PDE1C: variants seen among roughly 807,000 people sequenced by gnomAD.
PDE1C encodes the protein dual specificity calcium/calmodulin-dependent 3',5'-cyclic nucleotide phosphodiesterase 1C.
PDE1C carries 62 observed loss-of-function variants against 93.1 expected under a neutral mutation model. The observed-to-expected ratio is 0.67, with a 90% confidence interval of 0.54 to 0.82. PDE1C has a LOEUF of 0.82. Among genes scored for constraint, PDE1C ranks in the 40% least tolerant of loss-of-function variants. PDE1C has a pLI of 0.00. For synonymous variants in PDE1C, 325 were observed against 310.1 expected, an observed-to-expected ratio of 1.05 and a Z score of -0.50; for missense variants, 742 against 884.6, an observed-to-expected ratio of 0.84 and a Z score of 2.04.
the PDE1C span, among the ~76,000 whole-genome samples, chr7:31,634,876 C>A: frequency 6.6e-6 from 1 of 152,126 alleles, no homozygotes; most frequent in Non-Finnish European, 1.5e-5. Context: ...GTGGCTCCTT[C>A]GGCATATTGA....
chr7:32,083,343 G>T lies in PDE1C; in HGVS notation c.308+86442C>A, dbSNP rs183523534. ...ATGAACAAAGCCTCCAAGAAATATG[G>T]GACTATGTGAAAAGATCAAACCTAC... On this transcript the variant is annotated intron_variant, in intron 3 of 18. Transcript: ENST00000396193. Among the ~76,000 whole-genome samples the T allele has an allele frequency of 5.8e-3, 873 of 151,694 alleles. 23 individuals are homozygous for T. The East Asian group carries it at 0.067, about 12-fold the overall frequency.
intron 3 of PDE1C, among the ~76,000 whole-genome samples, chr7:32,144,091 A>G (rs914156362): frequency 6.6e-6 from 1 of 152,182 alleles, no homozygotes; most frequent in Non-Finnish European, 1.5e-5. Context: ...GCAGTGATAA[A>G]GAGTCTAGTG....
chr7:32,000,542 C>G (rs1437551308), intron 2 of PDE1C, among the ~76,000 whole-genome samples: 1 of 152,200 alleles, frequency 6.6e-6, no homozygotes, highest in African/African-American at 2.4e-5. Context: ...CCCTCATTAT[C>G]TGTTTCTGCT....
At chr7:32,012,082 G>A (rs756961166) in intron 2 of PDE1C, among the ~76,000 whole-genome samples, 4 of 152,182 alleles carry the variant, frequency 2.6e-5, no homozygotes, top group Non-Finnish European at 4.4e-5. Context: ...CTGCAAAAGA[G>A]CACACTATAT....
chr7:31,701,929 T>A, the PDE1C span, among the ~76,000 whole-genome samples: 1 of 152,200 alleles, frequency 6.6e-6, no homozygotes, highest in Non-Finnish European at 1.5e-5. Context: ...AACCAAAAAA[T>A]TTGTATGGCT....
intron 2 of PDE1C, among the ~76,000 whole-genome samples, chr7:32,186,407 T>C (rs755889250): frequency 1.1e-4 from 16 of 151,290 alleles, no homozygotes; most frequent in Non-Finnish European, 2.2e-4. Flanking sequence ...CGGCCCTAAT[T>C]TGTTTTTTAA....
intron 2 of PDE1C, among the ~76,000 whole-genome samples, chr7:31,967,289 T>C (rs1390048502): frequency 6.6e-6 from 1 of 152,036 alleles, no homozygotes; most frequent in Admixed American, 6.6e-5. Flanking sequence ...TCACCACCAA[T>C]CCCACAGAAA....
chr7:31,952,662 C>A (rs1439081974), intron 2 of PDE1C, among the ~76,000 whole-genome samples: 1 of 152,156 alleles, frequency 6.6e-6, no homozygotes, highest in African/African-American at 2.4e-5. Flanking sequence ...ACAGCCATGC[C>A]TCTCTCTGCT....
At chr7:31,670,792 T>G in the PDE1C span, among the ~76,000 whole-genome samples, 1 of 152,068 alleles carries the variant, frequency 6.6e-6, no homozygotes, top group Non-Finnish European at 1.5e-5. Context: ...ATGTTGCCTT[T>G]TCCAAAACCA....
At chr7:32,245,712 C>A (rs2128872132) in intron 1 of PDE1C, among the ~76,000 whole-genome samples, 1 of 152,306 alleles carries the variant, frequency 6.6e-6, no homozygotes, top group Admixed American at 6.5e-5. Context: ...GTTCTGGATA[C>A]TGGGAAGTCC....
intron 2 of PDE1C, among the ~76,000 whole-genome samples, chr7:31,887,252 A>G (rs888828101): frequency 6.6e-6 from 1 of 152,206 alleles, no homozygotes; most frequent in African/African-American, 2.4e-5. Context: ...GTTTTGGGGC[A>G]TGCGGTTTCC....
intron 3 of PDE1C, among the ~76,000 whole-genome samples, chr7:32,130,924 A>T (rs1799880506): frequency 6.6e-6 from 1 of 152,090 alleles, no homozygotes; most frequent in Non-Finnish European, 1.5e-5. Flanking sequence ...TAATGGTAAT[A>T]AGTACATACT....
chr7:32,324,563 A>C (rs367956082), intron 1 of PDE1C, among the ~76,000 whole-genome samples: 168 of 152,362 alleles, frequency 1.1e-3, no homozygotes, highest in Non-Finnish European at 1.7e-3. Flanking sequence ...TACTAAAAAA[A>C]GGCAGGGATT....
chr7:31,728,078 CTTAAGG>C, the PDE1C span, among the ~76,000 whole-genome samples: 1 of 152,090 alleles, frequency 6.6e-6, no homozygotes, highest in Non-Finnish European at 1.5e-5. Context: ...GTGATATCCA[CTTAAGG>C]TTGATTTATA....
chr7:32,020,315 C>A (rs1303648678), intron 2 of PDE1C, among the ~76,000 whole-genome samples: 1 of 151,980 alleles, frequency 6.6e-6, no homozygotes, highest in African/African-American at 2.4e-5. Flanking sequence ...AACAAATCCC[C>A]TGCCCTAAAA....
intron 2 of PDE1C, among the ~76,000 whole-genome samples, chr7:32,037,484 A>G (rs1791263488): frequency 6.6e-6 from 1 of 152,104 alleles, no homozygotes; most frequent in Admixed American, 6.6e-5. Flanking sequence ...ATAAAAATGA[A>G]CTATCTGCTC....
chr7:31,873,120 C>T (rs530197346), intron 6 of PDE1C, among the ~76,000 whole-genome samples, 172 bp downstream of exon 6: 2 of 152,282 alleles, frequency 1.3e-5, no homozygotes, highest in Admixed American at 6.5e-5. Context: ...AGGGCGCAAT[C>T]AAAATCACCC....
intron 2 of PDE1C, among the ~76,000 whole-genome samples, chr7:31,985,023 G>C (rs1783179272): frequency 2.0e-5 from 3 of 152,106 alleles, no homozygotes; most frequent in South Asian, 2.1e-4. Context: ...AAGTAAAAGA[G>C]AGCAAAATGT....
At chr7:32,230,070 C>T (rs2128861415) in intron 1 of PDE1C, among the ~76,000 whole-genome samples, 1 of 152,330 alleles carries the variant, frequency 6.6e-6, no homozygotes, top group East Asian at 1.9e-4. Flanking sequence ...GAACATTCCT[C>T]TGTAGGCCTG....
Sources: allele counts gnomAD v4.1 joint callset (sites outside exome capture counted in the v4.1 genomes callset), GRCh38; gene constraint gnomAD v4.1.1; transcripts MANE v1.5; gene names NCBI Gene and HGNC (gene_info 2026-07-23, HGNC 2026-07-21).